Variants in TBC1D12 observed in about 807,000 individuals in gnomAD.
TBC1D12 encodes TBC1 domain family member 12, also known as TBC1 domain family, member 12.
Under a neutral mutation model 86.7 loss-of-function variants are expected in TBC1D12, and 56 were observed. That is an observed-to-expected ratio of 0.65 (90% CI 0.52 to 0.81). The LOEUF (loss-of-function observed/expected upper bound fraction) is 0.81. Ranked by LOEUF, TBC1D12 falls within the 30% of genes least tolerant of loss-of-function variation. The probability of loss-of-function intolerance (pLI) is 0.00; values close to 1 mark genes in which losing one functional copy is unlikely to be tolerated. For synonymous variants in TBC1D12, 421 were observed against 411.7 expected, an observed-to-expected ratio of 1.02 and a Z score of -0.27; for missense variants, 1,023 against 1,038.8, an observed-to-expected ratio of 0.98 and a Z score of 0.21.
intron 6 of TBC1D12, among the ~76,000 whole-genome samples, chr10:94,501,722 A>G (rs889909802): frequency 9.3e-5 from 14 of 151,140 alleles, no homozygotes; most frequent in African/African-American, 3.4e-4. Flanking sequence ...AATTTTTTGT[A>G]TTTTTAGTAG....
intron 6 of TBC1D12, among the ~76,000 whole-genome samples, chr10:94,504,273 A>G (rs900521143): frequency 6.6e-6 from 1 of 152,222 alleles, no homozygotes; most frequent in Non-Finnish European, 1.5e-5. Flanking sequence ...TTATCTTGAT[A>G]ACTTAGACAT....
chr10:94,433,259 C>G (rs1015404852), intron 1 of TBC1D12, among the ~76,000 whole-genome samples: 2 of 152,120 alleles, frequency 1.3e-5, no homozygotes, highest in African/African-American at 4.8e-5. Flanking sequence ...GCTGGGATTA[C>G]AGGTGCGTGC....
intron 1 of TBC1D12, among the ~76,000 whole-genome samples, chr10:94,408,586 A>G (rs2054887645): frequency 6.6e-6 from 1 of 152,154 alleles, no homozygotes. Context: ...GAAACAACAA[A>G]GTCAGCCACG....
At chr10:94,495,596 C>T (rs1401323107) in intron 4 of TBC1D12, among the ~76,000 whole-genome samples, 1 of 152,124 alleles carries the variant, frequency 6.6e-6, no homozygotes, top group East Asian at 1.9e-4. Context: ...ATCAGAAGGC[C>T]ACAGCTTTAA....
At chr10:94,458,720 C>G (rs2901765) in intron 2 of TBC1D12, among the ~76,000 whole-genome samples, 59,793 of 151,868 alleles carry the variant, frequency 0.39, 12,458 homozygotes, top group East Asian at 0.73. Context: ...AAGCTGTAGA[C>G]CTTCATGGTG....
At chr10:94,502,351 A>G (rs2134191893) in intron 6 of TBC1D12, among the ~76,000 whole-genome samples, 1 of 151,502 alleles carries the variant, frequency 6.6e-6, no homozygotes, top group South Asian at 2.1e-4. Flanking sequence ...AATAGAATAA[A>G]TAAATAAATA....
chr10:94,520,572 G>T (rs1366505263), intron 9 of TBC1D12, among the ~76,000 whole-genome samples: 6 of 151,852 alleles, frequency 4.0e-5, no homozygotes, highest in Admixed American at 1.3e-4. Flanking sequence ...AAAAATAAAA[G>T]AAAAGGGAGC....
At chr10:94,425,945 C>T (rs2055139589) in intron 1 of TBC1D12, among the ~76,000 whole-genome samples, 1 of 151,978 alleles carries the variant, frequency 6.6e-6, no homozygotes, top group South Asian at 2.1e-4. Flanking sequence ...AATGATACTT[C>T]TTAAAAATTT....
At position 94,510,981 on chromosome 10, in the gene TBC1D12, AC is replaced by A. The variant is rs1180008151; in HGVS notation, c.1690-599del. Among the ~76,000 whole-genome samples, 221 of 152,188 alleles carry A rather than the reference AC, an allele frequency of 1.5e-3. 3 individuals are homozygous for A. Among genetic ancestry groups the A allele is most frequent in the Non-Finnish European group, 2.1e-4 (14 of 68,024 alleles). On this transcript the variant is annotated intron_variant, in intron 8 of 12. Coordinates refer to ENST00000225235, the MANE Select transcript of TBC1D12 (RefSeq NM_015188.2). ...AAATGAAACAGTGTGTATTCATCATACCCTTATACCAAATCTAGAAGATTTT... is the reference window on the plus strand; with the variant it reads ...AAATGAAACAGTGTGTATTCATCATACCTTATACCAAATCTAGAAGATTTT...
chr10:94,524,162 A>G (rs899869454), intron 11 of TBC1D12, among the ~76,000 whole-genome samples: 6 of 152,110 alleles, frequency 3.9e-5, no homozygotes, highest in African/African-American at 1.4e-4. Flanking sequence ...TCCATTTTTT[A>G]CTTCCACCGT....
At chr10:94,500,138 T>C in intron 5 of TBC1D12, 83 bp from the exon 6 acceptor site, 2 of 1,233,114 alleles carry the variant, frequency 1.6e-6, no homozygotes, top group Non-Finnish European at 2.3e-6. Context: ...CACTTGGCCA[T>C]AGACTAAAGA....
Position 94,533,093 on chromosome 10 carries a change from C to A in TBC1D12, c.2325C>A (p.Ser775Arg). ...AGAACAGTAGTCCTGCTTTGAAAAG[C>A]TAGTCTTCAAAATTGACAGACTAAC... is the stretch of plus-strand genomic sequence containing the variant. ...GDKNSSPALK[S>R] Residue 775 changes from serine (S) to arginine (R), a missense_variant, in exon 13 of 13, where the codon AGC becomes AGA. Transcript: ENST00000225235. The A allele has an allele frequency of 6.3e-7, 1 of 1,582,488 alleles. No individual in the cohort carries two copies. Among genetic ancestry groups the A allele is most frequent in the Non-Finnish European group, 8.6e-7 (1 of 1,163,448 alleles).
In TBC1D12 at chr10:94,479,326, C is replaced by T. The variant is rs74524953; in HGVS notation, c.1211+4543C>T. 7.8e-3 allele frequency among the ~76,000 whole-genome samples: 1,186 copies of T among 152,120 alleles called. 16 individuals are homozygous for T. The highest frequency in any genetic ancestry group is 0.027 in the African/African-American group (1,129 of 41,510). On this transcript the variant is annotated intron_variant, in intron 3 of 12. Coordinates refer to ENST00000225235, the MANE Select transcript of TBC1D12 (RefSeq NM_015188.2). ...CTTCTATTTTTTCCTGTGGTCTTATCTTCTTTACAGTAAATAAAGTTTTTT... is the reference window on the plus strand; with the variant it reads ...CTTCTATTTTTTCCTGTGGTCTTATTTTCTTTACAGTAAATAAAGTTTTTT...
intron 2 of TBC1D12, among the ~76,000 whole-genome samples, chr10:94,451,744 G>A (rs1279776711): frequency 6.6e-6 from 1 of 152,006 alleles, no homozygotes; most frequent in Non-Finnish European, 1.5e-5. Flanking sequence ...AGTTACCTTT[G>A]CTTGAGTACT....
chr10:94,426,225 A>G (rs1239371996), intron 1 of TBC1D12, among the ~76,000 whole-genome samples: 1 of 152,202 alleles, frequency 6.6e-6, no homozygotes, highest in South Asian at 2.1e-4. Flanking sequence ...GGACATCATT[A>G]TCTGGTTTCC....
At chr10:94,469,754 G>A (rs1011816246) in intron 2 of TBC1D12, among the ~76,000 whole-genome samples, 1 of 151,982 alleles carries the variant, frequency 6.6e-6, no homozygotes, top group African/African-American at 2.4e-5. Flanking sequence ...AGGACCTGGA[G>A]TTCTTTCCTG....
At chr10:94,454,964 A>G (rs1402919022) in intron 2 of TBC1D12, among the ~76,000 whole-genome samples, 1 of 152,198 alleles carries the variant, frequency 6.6e-6, no homozygotes, top group African/African-American at 2.4e-5. Flanking sequence ...TCCTGACCTT[A>G]GAGAGACAGC....
intron 2 of TBC1D12, among the ~76,000 whole-genome samples, chr10:94,460,826 C>A (rs1168631976): frequency 6.6e-6 from 1 of 152,032 alleles, no homozygotes; most frequent in Non-Finnish European, 1.5e-5. Flanking sequence ...GTTGTCATAT[C>A]CTCAAGTTCA....
chr10:94,519,220 TC>T (rs1466276714), intron 9 of TBC1D12, among the ~76,000 whole-genome samples: 1 of 152,230 alleles, frequency 6.6e-6, no homozygotes, highest in African/African-American at 2.4e-5. Context: ...TAATTTTAAT[TC>T]CTTCTATTTA....
Sources: allele counts gnomAD v4.1 joint callset (sites outside exome capture counted in the v4.1 genomes callset), GRCh38; gene constraint gnomAD v4.1.1; transcripts MANE v1.5; gene names NCBI Gene and HGNC (gene_info 2026-07-23, HGNC 2026-07-21).